DNAH8: variants seen among roughly 807,000 people sequenced by gnomAD.
DNAH8 encodes the protein dynein axonemal heavy chain 8.
A neutral mutation model predicts 562.1 loss-of-function variants in DNAH8; 382 were observed. The ratio of observed to expected loss-of-function variants is 0.68; its 90% CI spans 0.63 to 0.74. The LOEUF is 0.74. Among genes scored for constraint, DNAH8 ranks in the 30% least tolerant of loss-of-function variants. The pLI, the probability that DNAH8 is intolerant of heterozygous loss-of-function variation, is 0.00. For missense variants in DNAH8, 5,203 were observed against 5,620.4 expected (o/e 0.93, Z 2.37); for synonymous variants, 1,881 against 1,919.4 (o/e 0.98, Z 0.52).
chr6:38,965,065 AAAAAT>A (rs140369493), intron 82 of DNAH8, among the ~76,000 whole-genome samples: 17,790 of 144,346 alleles, frequency 0.12, 1,370 homozygotes, highest in East Asian at 0.25. Flanking sequence ...TTCTGTCTCA[AAAAAT>A]AAAATAAAAT....
rs2150410479 is a variant in DNAH8, at chr6:38,862,346, C to T, written c.6198C>T (p.Gly2066=). 1 of 1,614,122 alleles carries T rather than the reference C, an allele frequency of 6.2e-7. No homozygotes were observed. Among genetic ancestry groups the T allele is most frequent in the Non-Finnish European group, 8.5e-7 (1 of 1,180,004 alleles). Residue 2066 remains glycine (G), a synonymous_variant, in exon 44 of 93, where the codon GGC becomes GGT. Coordinates refer to ENST00000327475, the MANE Select transcript of DNAH8 (RefSeq NM_001206927.2). ...GAGGTGCTCCCGCAGGACCTGCTGG[C>T]ACTGGCAAAACAGAAACCACAAAAG... The part of the protein sequence containing the change: ...NMGGAPAGPA[G]TGKTETTKDM...
At chr6:39,000,525 G>A (rs1051681212) in intron 88 of DNAH8, among the ~76,000 whole-genome samples, 2 of 152,128 alleles carry the variant, frequency 1.3e-5, no homozygotes, top group African/African-American at 4.8e-5. Context: ...TCTCATAGGA[G>A]CGAGAACCCT....
intron 58 of DNAH8, among the ~76,000 whole-genome samples, chr6:38,891,054 G>A (rs1779310970): frequency 6.6e-6 from 1 of 152,150 alleles, no homozygotes; most frequent in Non-Finnish European, 1.5e-5. Context: ...ACTCTGATTT[G>A]TAAATCTTTA....
At chr6:38,960,562 C>T (rs1206553906) in intron 82 of DNAH8, among the ~76,000 whole-genome samples, 1 of 151,550 alleles carries the variant, frequency 6.6e-6, no homozygotes, top group African/African-American at 2.4e-5. Context: ...CAAATCAAAA[C>T]TACAATGAGA....
intron 60 of DNAH8, among the ~76,000 whole-genome samples, chr6:38,897,741 A>G (rs1779798550): frequency 6.6e-6 from 1 of 152,148 alleles, no homozygotes; most frequent in African/African-American, 2.4e-5. Context: ...TGATTGGACC[A>G]CTGCACTCCA....
At chr6:38,944,056 C>T (rs560543378) in intron 79 of DNAH8, among the ~76,000 whole-genome samples, 1 of 152,232 alleles carries the variant, frequency 6.6e-6, no homozygotes, top group East Asian at 1.9e-4. Context: ...ATTTCTTCTC[C>T]TGGTGTCTCT....
intron 53 of DNAH8, among the ~76,000 whole-genome samples, chr6:38,880,547 T>TA (rs796726509): frequency 2.6e-5 from 4 of 151,950 alleles, no homozygotes; most frequent in East Asian, 1.9e-4. Flanking sequence ...ATATATCTGA[T>TA]AAAAAAAATT....
rs765159791 is a variant in DNAH8 at position 39,026,657 on chromosome 6, C to T, written c.13826C>T (p.Ser4609Leu). The T allele has an allele frequency of 8.7e-6, 14 of 1,613,326 alleles. No homozygotes were observed. The highest frequency in any genetic ancestry group is 1.2e-5 in the Non-Finnish European group (14 of 1,179,950). ...AGACAGACCAAGGAGGAGATCACGT[C>T]ACCCCCTGGGGTAGGCGTTGCTGGG... is the stretch of plus-strand genomic sequence containing the variant. ...VLRQTKEEIT[S>L]PPGEGVYIYG... Residue 4609 changes from serine (S) to leucine (L), a missense_variant, in exon 92 of 93, where the codon TCA (serine) becomes TTA (leucine). Physicochemically the swap from Ser to Leu is moderately radical, Grantham distance 145. This residue lies in a region of DNAH8 where 1,399 missense variants were observed against 1,518.4 expected (regional missense o/e 0.92). Coordinates refer to ENST00000327475, the MANE Select transcript of DNAH8 (RefSeq NM_001206927.2).
At position 38,945,643 on chromosome 6, in the gene DNAH8, G is replaced by C. The variant is rs1050551305; in HGVS notation, c.12129+55G>C. On this transcript the variant is annotated intron_variant, in intron 80 of 92. Transcript: ENST00000327475. The stretch of plus-strand genomic sequence containing the variant: ...CAGATCTGCAAACCCAAACATACCT[G>C]GGCCGCTTAAACTGGGGCTTCCTGG... 4.4e-6 allele frequency: 7 copies of C among 1,605,884 alleles called. No homozygotes were observed. The African/African-American group carries it at 9.4e-5, about 21-fold the overall frequency.
chr6:38,860,726 G>A, intron 43 of DNAH8, 97 bp downstream of exon 43: 1 of 884,082 alleles, frequency 1.1e-6, no homozygotes, highest in South Asian at 2.3e-5. Flanking sequence ...GCAGATTTCT[G>A]TCATGCTGGG....
intron 82 of DNAH8, among the ~76,000 whole-genome samples, chr6:38,961,330 T>C (rs952867559): frequency 3.3e-5 from 5 of 152,004 alleles, no homozygotes; most frequent in African/African-American, 1.2e-4. Flanking sequence ...GAAAATTATG[T>C]TGTGACGGAT....
At chr6:38,810,652 C>T (rs990988240) in intron 24 of DNAH8, among the ~76,000 whole-genome samples, 7 of 151,714 alleles carry the variant, frequency 4.6e-5, no homozygotes, top group African/African-American at 1.7e-4. Context: ...AGTCTTATTT[C>T]TGACTACAAG....
intron 88 of DNAH8, among the ~76,000 whole-genome samples, chr6:39,005,134 G>A (rs549368096): frequency 3.2e-4 from 49 of 152,226 alleles, no homozygotes; most frequent in Non-Finnish European, 6.0e-4. Flanking sequence ...GCATCAGGCC[G>A]GGAGCAGCAG....
At chr6:38,887,100 G>A (rs1778987511) in intron 57 of DNAH8, 96 bp downstream of exon 57, 1 of 870,918 alleles carries the variant, frequency 1.1e-6, no homozygotes, top group Non-Finnish European at 1.8e-6. Context: ...TGTCTAAAGT[G>A]GGGTTAGGTA....
At chr6:38,994,588 T>G (rs1001929773) in intron 88 of DNAH8, among the ~76,000 whole-genome samples, 4 of 152,012 alleles carry the variant, frequency 2.6e-5, no homozygotes, top group African/African-American at 9.7e-5. Flanking sequence ...GGTATAAGTA[T>G]GGATGAAATT....
chr6:38,837,686 A>G (rs1198085135), intron 32 of DNAH8, among the ~76,000 whole-genome samples: 2 of 152,254 alleles, frequency 1.3e-5, no homozygotes, highest in African/African-American at 2.4e-5. Context: ...AACTCGAAAT[A>G]TAGGCCTTCT....
At position 38,899,857 on chromosome 6, in the gene DNAH8, T is replaced by G. The variant is rs1187571377; in HGVS notation, c.9145T>G (p.Leu3049Val). Residue 3049 changes from leucine to valine, a missense_variant, in exon 62 of 93, where the codon TTG (leucine) becomes GTG (valine). This residue lies in a region of DNAH8 where 977 missense variants were observed against 1,061.8 expected (regional missense o/e 0.92). Coordinates refer to ENST00000327475, the MANE Select transcript of DNAH8 (RefSeq NM_001206927.2). ...GGSGKQSLSR[L>V]ASFIAGYQIF... is the part of the protein sequence containing the mutation. ...TTCCGGAAAACAAAGTCTTTCAAGA[T>G]TGGCCTCTTTTATTGCTGGCTATCA... 6.2e-7 allele frequency: 1 copy of G among 1,610,388 alleles called. No homozygotes were observed. Among genetic ancestry groups the G allele is most frequent in the East Asian group, 2.2e-5 (1 of 44,732 alleles).
intron 86 of DNAH8, among the ~76,000 whole-genome samples, chr6:38,983,805 A>G (rs927562509): frequency 1.3e-5 from 2 of 152,232 alleles, no homozygotes; most frequent in African/African-American, 2.4e-5. Flanking sequence ...TCCAGAAAAT[A>G]CATTACTAAG....
intron 89 of DNAH8, among the ~76,000 whole-genome samples, chr6:39,010,432 T>G (rs953151887): frequency 6.6e-6 from 1 of 152,122 alleles, no homozygotes; most frequent in Non-Finnish European, 1.5e-5. Flanking sequence ...GTCTTAAATT[T>G]TATTAATAAA....
Sources: allele counts gnomAD v4.1 joint callset (sites outside exome capture counted in the v4.1 genomes callset), GRCh38; gene constraint gnomAD v4.1.1; regional missense constraint gnomAD v4.1.1; transcripts MANE v1.5; gene names NCBI Gene and HGNC (gene_info 2026-07-23, HGNC 2026-07-21).